The following LMF1 variants were observed in gnomAD, a reference collection of about 807,000 sequenced individuals.
LMF1 encodes lipase maturation factor 1.
In LMF1, 68 loss-of-function variants were observed where a neutral mutation model predicts 60.6. The ratio of observed to expected loss-of-function variants is 1.12; its 90% CI spans 0.92 to 1.37. The LOEUF (loss-of-function observed/expected upper bound fraction) is 1.37. Among genes scored for constraint, LMF1 ranks in the 40% most tolerant of loss-of-function variants. The pLI, the probability that LMF1 is intolerant of heterozygous loss-of-function variation, is 0.00. For synonymous variants in LMF1, 418 were observed against 324.7 expected (o/e 1.29, Z -3.09); for missense variants, 948 against 767.2 (o/e 1.24, Z -2.78).
At chr16:951,498 G>A (rs1317202107) in intron 2 of LMF1, among the ~76,000 whole-genome samples, 1 of 152,270 alleles carries the variant, frequency 6.6e-6, no homozygotes, top group African/African-American at 2.4e-5. Context: ...AGCAGAGTCA[G>A]AGTCCTCTCT....
chr16:868,401 G>A (rs1316998495), intron 10 of LMF1, among the ~76,000 whole-genome samples: 2 of 152,176 alleles, frequency 1.3e-5, no homozygotes, highest in African/African-American at 4.8e-5. Context: ...CTGGTATGGA[G>A]AGGAGGGTGA....
At chr16:854,872 G>C (rs1220214707) in intron 10 of LMF1, 166 bp from the exon 11 acceptor site, 3 of 681,222 alleles carry the variant, frequency 4.4e-6, no homozygotes, top group African/African-American at 1.8e-5. Flanking sequence ...GCAGACCCCG[G>C]GCAGGGCAAC....
intron 7 of LMF1, 43 bp downstream of exon 7, chr16:871,118 T>A: frequency 2.7e-6 from 4 of 1,507,780 alleles, no homozygotes; most frequent in Non-Finnish European, 2.7e-6. Context: ...ACCACCCGAC[T>A]TTCTCCTGCC....
At chr16:882,052 TA>T (rs2070176406) in intron 5 of LMF1, among the ~76,000 whole-genome samples, 1 of 152,166 alleles carries the variant, frequency 6.6e-6, no homozygotes, top group Non-Finnish European at 1.5e-5. Flanking sequence ...CCCGAAGTGG[TA>T]ATTGCCACGG....
chr16:945,947 G>A lies in LMF1; in HGVS notation c.503+8410C>T, dbSNP rs993003771. Among the ~76,000 whole-genome samples the A allele has an allele frequency of 1.1e-4, 17 of 152,144 alleles. No homozygotes were observed. The East Asian group carries it at 1.5e-3, about 14-fold the overall frequency. On this transcript the variant is annotated intron_variant, in intron 2 of 10. Coordinates refer to ENST00000262301, the MANE Select transcript of LMF1 (RefSeq NM_022773.4). ...TGCAAAGACAGACTGTTCTCCCCCC[G>A]GCGTCCAGCTGCCTGAAATGTTTCT... is the stretch of plus-strand genomic sequence containing the variant.
rs370698360 is a variant in LMF1 at position 874,718 on chromosome 16, C to T, written c.898-3377G>A. On this transcript the variant is annotated intron_variant, in intron 6 of 10. Transcript: ENST00000262301. This position sits in a 1 kb window ranked among gnomAD's most constrained non-coding sequence, Gnocchi z 4.1. ...CAGATGGGAACACACGGAACCAGGACGGGATCCGGGGAGGCGGCGCTCAGA... is the reference window on the plus strand; with the variant it reads ...CAGATGGGAACACACGGAACCAGGATGGGATCCGGGGAGGCGGCGCTCAGA... Among the ~76,000 whole-genome samples the T allele has an allele frequency of 1.3e-5, 2 of 151,750 alleles. No homozygotes were observed. Among genetic ancestry groups the T allele is most frequent in the African/African-American group, 2.4e-5 (1 of 41,322 alleles).
intron 10 of LMF1, among the ~76,000 whole-genome samples, chr16:860,813 C>G (rs1021988232): frequency 6.6e-6 from 1 of 152,184 alleles, no homozygotes; most frequent in Non-Finnish European, 1.5e-5. Context: ...TGTGGGTTCT[C>G]TGTTGTGTTC....
At chr16:855,720 G>A (rs1394867546) in intron 10 of LMF1, 1 of 456,078 alleles carries the variant, frequency 2.2e-6, no homozygotes, top group Non-Finnish European at 4.4e-6. Flanking sequence ...AGCCATAACA[G>A]GACCCTCTCA....
At chr16:950,675 T>TGACAGAGTCAGCCAAC (rs2151466917) in intron 2 of LMF1, among the ~76,000 whole-genome samples, 1 of 120,472 alleles carries the variant, frequency 8.3e-6, no homozygotes, top group African/African-American at 3.3e-5. Context: ...TCAGAGACAA[T>TGACAGAGTCAGCCAAC]GACAGAGTCA....
chr16:938,828 A>T (rs747141433), intron 2 of LMF1, among the ~76,000 whole-genome samples: 12 of 152,356 alleles, frequency 7.9e-5, no homozygotes, highest in Admixed American at 1.3e-4. Context: ...GCAATTTAAA[A>T]CAGGATGTAA....
In LMF1 at chr16:854,718, C is replaced by A; in HGVS notation, c.1530-12G>T. On this transcript the variant is annotated splice_polypyrimidine_tract_variant and intron_variant, in intron 10 of 10. Coordinates refer to ENST00000262301, the MANE Select transcript of LMF1 (RefSeq NM_022773.4). ...CTCCTCGGACCCACCTGCAAGGGGG[C>A]ACATGTCAGCCCAGGGCCTGCTGGG... 1.3e-6 allele frequency: 2 copies of A among 1,575,348 alleles called. No individual in the cohort carries two copies. The highest frequency in any genetic ancestry group is 1.7e-6 in the Non-Finnish European group (2 of 1,167,204).
chr16:899,482 C>T (rs1217064013), intron 4 of LMF1: 1 of 152,264 alleles, frequency 6.6e-6, no homozygotes, highest in African/African-American at 2.4e-5. Context: ...TACTCTCGTT[C>T]TGGAGTGTGG....
intron 10 of LMF1, chr16:855,050 G>A (rs1158502633): frequency 7.7e-6 from 3 of 389,778 alleles, no homozygotes; most frequent in South Asian, 5.2e-5. Flanking sequence ...CCGTTCACAA[G>A]GCCCCAGTTT....
At chr16:881,065 T>C (rs557920190) in intron 5 of LMF1, among the ~76,000 whole-genome samples, 6 of 152,154 alleles carry the variant, frequency 3.9e-5, no homozygotes, top group Non-Finnish European at 7.4e-5. Flanking sequence ...GTCCTGGGAC[T>C]CCCAGGGTCC....
intron 2 of LMF1, among the ~76,000 whole-genome samples, chr16:950,947 A>G (rs1435870058): frequency 6.6e-6 from 1 of 151,922 alleles, no homozygotes; most frequent in African/African-American, 2.4e-5. Context: ...CCAATGACAG[A>G]GTCAGAGCCA....
At chr16:859,269 T>C (rs141505339) in intron 10 of LMF1, among the ~76,000 whole-genome samples, 15 of 46,014 alleles carry the variant, frequency 3.3e-4, no homozygotes, top group South Asian at 7.8e-4. Context: ...GGGACGGGTG[T>C]GAGTGGTGTC....
intron 3 of LMF1, among the ~76,000 whole-genome samples, chr16:911,423 G>A (rs909026521): frequency 3.9e-5 from 6 of 152,010 alleles, no homozygotes; most frequent in Non-Finnish European, 5.9e-5. Context: ...ACATGCTGCC[G>A]GCAGACTTTG....
chr16:915,135 G>T (rs1274374114), intron 3 of LMF1, among the ~76,000 whole-genome samples: 1 of 152,186 alleles, frequency 6.6e-6, no homozygotes, highest in Non-Finnish European at 1.5e-5. Context: ...TTTAAAAACA[G>T]CTAAAGAAAA....
upstream of LMF1, among the ~76,000 whole-genome samples, chr16:973,692 G>A (rs980641914): frequency 2.6e-5 from 4 of 152,154 alleles, no homozygotes; most frequent in South Asian, 2.1e-4. Flanking sequence ...TGTGAATTTC[G>A]CCTCGAATTT....
Sources: gnomAD v4.1 joint callset for allele counts (sites outside exome capture counted in the v4.1 genomes callset) on GRCh38, gnomAD v4.1.1 for gene constraint, Gnocchi (gnomAD v3.1) non-coding constraint, MANE v1.5 for transcripts, NCBI Gene and HGNC (gene_info 2026-07-23, HGNC 2026-07-21) for gene names.